FAM76A: variants seen among roughly 807,000 people sequenced by gnomAD.
The protein encoded by FAM76A is protein FAM76A.
In FAM76A, 32 loss-of-function variants were observed where a neutral mutation model predicts 46.2. That is an observed-to-expected ratio of 0.69 (90% CI 0.52 to 0.93). The LOEUF (loss-of-function observed/expected upper bound fraction) is 0.93. Ranked by LOEUF, FAM76A falls within the 40% of genes least tolerant of loss-of-function variation. The probability of loss-of-function intolerance (pLI) is 0.00; values close to 1 mark genes in which losing one functional copy is unlikely to be tolerated. For synonymous variants in FAM76A, 137 were observed against 127.0 expected (o/e 1.08, Z -0.53); for missense variants, 274 against 361.5 (o/e 0.76, Z 1.96).
Position 27,760,614 on chromosome 1 carries a change from A to G in FAM76A, c.*33A>G. The G allele has an allele frequency of 2.6e-6, 4 of 1,540,462 alleles. No individual in the cohort carries two copies. Among genetic ancestry groups the G allele is most frequent in the Non-Finnish European group, 3.6e-6 (4 of 1,123,782 alleles). ...CAAGGAGGCTCCCTAGCAACAGCAA[A>G]TGGAGTTGTCCAGGGTTAGGGTTGG... On this transcript the variant is annotated 3_prime_UTR_variant, in exon 9 of 9. Coordinates refer to ENST00000373954, the MANE Select transcript of FAM76A (RefSeq NM_152660.3).
chr1:27,739,089 A>G (rs746996345), intron 4 of FAM76A: 22 of 305,568 alleles, frequency 7.2e-5, no homozygotes, highest in Admixed American at 1.3e-4. Flanking sequence ...AGCCCACTAC[A>G]CTACAAGGAG....
At chr1:27,733,488 T>A (rs1487678272) in intron 3 of FAM76A, among the ~76,000 whole-genome samples, 1 of 152,216 alleles carries the variant, frequency 6.6e-6, no homozygotes, top group Non-Finnish European at 1.5e-5. Flanking sequence ...GTTTTTGTTA[T>A]TTGTTTATTT....
At chr1:27,759,807 G>A (rs77213753) in intron 8 of FAM76A, 180 bp downstream of exon 8, 21,521 of 512,220 alleles carry the variant, frequency 0.042, 594 homozygotes, top group Non-Finnish European at 0.053. Context: ...GTTCTCTGTC[G>A]CCTAGGCTGG....
chr1:27,732,302 C>T (rs547802009), intron 2 of FAM76A, among the ~76,000 whole-genome samples: 15 of 152,018 alleles, frequency 9.9e-5, no homozygotes, highest in South Asian at 4.2e-4. Flanking sequence ...TGGTGGTGCG[C>T]GCCTATGATT....
rs1001904122 is a variant in FAM76A at position 27,732,765 on chromosome 1, A to G, written c.201+108A>G. 50 of 760,836 alleles carry G rather than the reference A, an allele frequency of 6.6e-5. No individual in the cohort carries two copies. In the African/African-American group the frequency reaches 7.8e-4, roughly 12 times the overall value. 47.1% of individuals were successfully genotyped at this position (760,836 alleles called of 1,614,324 possible). On this transcript the variant is annotated intron_variant, in intron 3 of 8. Coordinates refer to ENST00000373954, the MANE Select transcript of FAM76A (RefSeq NM_152660.3). ...AATATTTTTATTAGAATAAATGGTTATGTGTAATATATCTGATACTGATTT... is the reference window on the plus strand; with the variant it reads ...AATATTTTTATTAGAATAAATGGTTGTGTGTAATATATCTGATACTGATTT...
intron 2 of FAM76A, among the ~76,000 whole-genome samples, chr1:27,731,063 A>G (rs1340219345): frequency 6.6e-6 from 1 of 152,170 alleles, no homozygotes; most frequent in Non-Finnish European, 1.5e-5. Flanking sequence ...GTGAAGAGTT[A>G]GACTTTTATT....
chr1:27,733,918 G>T, intron 3 of FAM76A, 113 bp from the exon 4 acceptor site: 1 of 999,556 alleles, frequency 1.0e-6, no homozygotes, highest in Non-Finnish European at 1.5e-6. Flanking sequence ...TATGAAGTCG[G>T]CAATACATTT....
Position 27,750,850 on chromosome 1 carries a change from A to G in FAM76A, c.599+1696A>G, listed in dbSNP as rs538131537. Among the ~76,000 whole-genome samples, 12 of 152,324 alleles carry G rather than the reference A, an allele frequency of 7.9e-5. No homozygotes were observed. The South Asian group carries it at 2.3e-3, about 29-fold the overall frequency. The stretch of plus-strand genomic sequence containing the variant: ...CCTTGACATAGGTACATGGTCTTTC[A>G]TGGTGTCCTCCAGAAAAGATATTAA... On this transcript the variant is annotated intron_variant, in intron 6 of 8. Transcript: ENST00000373954.
chr1:27,746,818 C>G (rs565321986), intron 5 of FAM76A, among the ~76,000 whole-genome samples: 19 of 152,206 alleles, frequency 1.2e-4, no homozygotes, highest in Admixed American at 4.6e-4. Flanking sequence ...GGCTTACACC[C>G]GTAAACCCAA....
chr1:27,755,158 C>T (rs2088388888), intron 6 of FAM76A, 37 bp from the exon 7 acceptor site: 2 of 1,610,792 alleles, frequency 1.2e-6, no homozygotes, highest in Admixed American at 3.3e-5. Flanking sequence ...GTTTATCCAT[C>T]CAAGTTAAAA....
intron 2 of FAM76A, among the ~76,000 whole-genome samples, chr1:27,729,234 G>T (rs1192544304): frequency 1.3e-5 from 2 of 151,058 alleles, no homozygotes; most frequent in African/African-American, 2.4e-5. Flanking sequence ...ATGAGACAGG[G>T]TCTCTCTCTG....
Position 27,755,282 on chromosome 1 carries a change from G to A in FAM76A, c.687G>A (p.Lys229=), listed in dbSNP as rs766917103. 8.1e-6 allele frequency: 13 copies of A among 1,614,236 alleles called. No individual in the cohort carries two copies. The highest frequency in any genetic ancestry group is 1.3e-5 in the African/African-American group (1 of 75,060). Residue 229 remains lysine, a synonymous_variant, in exon 7 of 9, where the codon AAG becomes AAA. Transcript: ENST00000373954. ...TGAAGGAAGAAGTGGCTACCCTGAA[G>A]AAGATGTTGCATCAAAAGGATCAAA... ...AQLKEEVATL[K]KMLHQKDQMI...
At chr1:27,740,909 A>G (rs1571480490) in intron 4 of FAM76A, among the ~76,000 whole-genome samples, 1 of 152,050 alleles carries the variant, frequency 6.6e-6, no homozygotes, top group African/African-American at 2.4e-5. Context: ...AGGGAGGATC[A>G]CCTGAGGTCA....
chr1:27,734,602 T>C (rs535887677), intron 4 of FAM76A, among the ~76,000 whole-genome samples: 1 of 152,312 alleles, frequency 6.6e-6, no homozygotes, highest in Non-Finnish European at 1.5e-5. Flanking sequence ...TCAGTTTCTT[T>C]CCTGGTTCTA....
intron 1 of FAM76A, 38 bp downstream of exon 1, chr1:27,726,199 C>G: frequency 8.0e-7 from 1 of 1,256,588 alleles, no homozygotes; most frequent in South Asian, 3.1e-5. Flanking sequence ...ACTGGGGACG[C>G]AGGAGGCGCG....
chr1:27,759,710 C>T, intron 8 of FAM76A, 83 bp downstream of exon 8: 1 of 859,556 alleles, frequency 1.2e-6, no homozygotes, highest in Non-Finnish European at 1.8e-6. Flanking sequence ...GTGATCATCT[C>T]TTAGATTTCT....
At chr1:27,748,476 T>G (rs2088280387) in intron 5 of FAM76A, among the ~76,000 whole-genome samples, 3 of 147,794 alleles carry the variant, frequency 2.0e-5, no homozygotes, top group African/African-American at 7.5e-5. Flanking sequence ...GAAGTTTTTT[T>G]TTTTTTTTTT....
chr1:27,735,759 T>G lies in FAM76A; in HGVS notation c.354+1576T>G, dbSNP rs545296451. Among the ~76,000 whole-genome samples, 11 of 152,296 alleles carry G rather than the reference T, an allele frequency of 7.2e-5. No homozygotes were observed. In the South Asian group the frequency reaches 2.3e-3, roughly 32 times the overall value. The stretch of plus-strand genomic sequence containing the variant: ...GCATCACTTTCTTCATCTTTCTCCA[T>G]GGGAATAACAGTAGTTACTTCACAA... On this transcript the variant is annotated intron_variant, in intron 4 of 8. Transcript: ENST00000373954.
At position 27,755,309 on chromosome 1, in the gene FAM76A, G is replaced by C; in HGVS notation, c.714G>C (p.Met238Ile). 6.2e-7 allele frequency: 1 copy of C among 1,614,140 alleles called. No individual in the cohort carries two copies. The highest frequency in any genetic ancestry group is 1.1e-5 in the South Asian group (1 of 91,086). ...AGATGTTGCATCAAAAGGATCAAAT[G>C]ATTTTAGAGAAAGAGAAGAAGGTAT... is the stretch of plus-strand genomic sequence containing the variant. ...LKKMLHQKDQMILEKEKKITE... is the reference protein window; with the variant it reads ...LKKMLHQKDQIILEKEKKITE... The change falls in exon 7 of 9, where the codon ATG becomes ATC. Residue 238 changes from methionine (M) to isoleucine (I), a missense_variant. Physicochemically the swap from Met to Ile is conservative, Grantham distance 10. Coordinates refer to ENST00000373954, the MANE Select transcript of FAM76A (RefSeq NM_152660.3).
Sources: gnomAD v4.1 joint callset for allele counts (sites outside exome capture counted in the v4.1 genomes callset) on GRCh38, gnomAD v4.1.1 for gene constraint, MANE v1.5 for transcripts, NCBI Gene and HGNC (gene_info 2026-07-23, HGNC 2026-07-21) for gene names.